Variants in ANKS1A observed in about 807,000 individuals in gnomAD.
ANKS1A encodes the protein ankyrin repeat and SAM domain-containing protein 1A.
ANKS1A carries 55 observed loss-of-function variants against 120.3 expected under a neutral mutation model. The observed-to-expected ratio is 0.46, with a 90% CI of 0.37 to 0.57. The LOEUF (loss-of-function observed/expected upper bound fraction) is 0.57, where lower values mean the gene tolerates loss of function less well. ANKS1A is among the 20% of genes least tolerant of loss of function. ANKS1A has a pLI of 0.00. For synonymous variants in ANKS1A, 590 were observed against 604.7 expected, an observed-to-expected ratio of 0.98 and a Z score of 0.36; for missense variants, 1,123 against 1,480.3, an observed-to-expected ratio of 0.76 and a Z score of 3.96.
intron 11 of ANKS1A, chr6:35,023,701 G>A (rs577253819): frequency 1.1e-3 from 380 of 357,298 alleles, no homozygotes; most frequent in South Asian, 7.6e-3. Flanking sequence ...AGAGAGATTC[G>A]ACCAATTAGC....
chr6:34,961,761 C>T (rs182219173), intron 1 of ANKS1A, among the ~76,000 whole-genome samples: 5 of 152,132 alleles, frequency 3.3e-5, no homozygotes, highest in East Asian at 1.9e-4. Context: ...CTGATAGGCC[C>T]GCACTCTCAG....
chr6:34,920,009 AG>A (rs1181831918), intron 1 of ANKS1A, among the ~76,000 whole-genome samples: 1 of 152,112 alleles, frequency 6.6e-6, no homozygotes, highest in African/African-American at 2.4e-5. Context: ...CCTTGAAAGT[AG>A]GTAAGGTCTG....
chr6:34,935,366 C>A lies in ANKS1A; in HGVS notation c.198-31873C>A, dbSNP rs142091389. 5.9e-4 allele frequency among the ~76,000 whole-genome samples: 90 copies of A among 152,344 alleles called. 1 individual carries two copies. The Middle Eastern group carries it at 0.017, about 29-fold the overall frequency. ...CCTCCCAAAGTGCTGGGATTACAGG[C>A]GTGAGCCACTTGGCCTGGCTGGTTT... On this transcript the variant is annotated intron_variant, in intron 1 of 23. Transcript: ENST00000360359.
rs75616383 is a variant in ANKS1A, at chr6:34,982,700, G to A, written c.733-52G>A. ...TGTGTCCCCTTTGTCACGTGAAGCC[G>A]CACCAAACTGTTCTGATGACATCCC... On this transcript the variant is annotated intron_variant, in intron 4 of 23. Coordinates refer to ENST00000360359, the MANE Select transcript of ANKS1A (RefSeq NM_015245.3). The surrounding 1 kb of genome is among the most constrained non-coding windows in gnomAD (Gnocchi z 4.9). The A allele has an allele frequency of 1.9e-3, 3,081 of 1,582,814 alleles. 56 individuals carry two copies. In the African/African-American group the frequency reaches 0.036, roughly 19 times the overall value.
chr6:34,940,685 C>A (rs1387892697), intron 1 of ANKS1A, among the ~76,000 whole-genome samples: 2 of 152,012 alleles, frequency 1.3e-5, no homozygotes, highest in Middle Eastern at 6.8e-3. Flanking sequence ...CCAAGGCAGG[C>A]GGATCACAAG....
Position 34,929,463 on chromosome 6 carries a change from T to C in ANKS1A, c.198-37776T>C, listed in dbSNP as rs1406877509. 3.3e-5 allele frequency among the ~76,000 whole-genome samples: 5 copies of C among 152,350 alleles called. No homozygotes were observed. In the South Asian group the frequency reaches 6.2e-4, roughly 19 times the overall value. ...ATGCTAGATGGGGAACTTGGCTTGC[T>C]TTCCATTCACCTGTGCCGTTCACGT... On this transcript the variant is annotated intron_variant, in intron 1 of 23. Transcript: ENST00000360359.
At chr6:35,087,187 C>T in intron 23 of ANKS1A, 138 bp downstream of exon 23, 1 of 850,744 alleles carries the variant, frequency 1.2e-6, no homozygotes, top group Non-Finnish European at 1.9e-6. Flanking sequence ...GCACTGGGAC[C>T]TGCTCCTCTT....
intron 11 of ANKS1A, among the ~76,000 whole-genome samples, chr6:35,024,691 C>A (rs1394686210): frequency 1.3e-5 from 2 of 152,318 alleles, no homozygotes; most frequent in East Asian, 3.9e-4. Context: ...GGAGGGCACC[C>A]TTTCAGGCCA....
intron 1 of ANKS1A, among the ~76,000 whole-genome samples, chr6:34,917,977 C>G (rs1271896743): frequency 6.6e-6 from 1 of 152,210 alleles, no homozygotes; most frequent in Non-Finnish European, 1.5e-5. Flanking sequence ...CAACCCCCCT[C>G]ACTTTTTCTG....
At chr6:34,956,909 C>T (rs1019343420) in intron 1 of ANKS1A, among the ~76,000 whole-genome samples, 2 of 152,160 alleles carry the variant, frequency 1.3e-5, no homozygotes, top group African/African-American at 4.8e-5. Flanking sequence ...GGTGGTCTAA[C>T]ACCTCTTTAT....
At chr6:34,895,469 G>A (rs565015260) in intron 1 of ANKS1A, among the ~76,000 whole-genome samples, 2 of 152,230 alleles carry the variant, frequency 1.3e-5, no homozygotes, top group South Asian at 4.1e-4. Context: ...ATAATGGCGT[G>A]ACAGCCTTTT....
intron 1 of ANKS1A, among the ~76,000 whole-genome samples, chr6:34,947,494 A>G (rs902872229): frequency 6.6e-6 from 1 of 152,118 alleles, no homozygotes; most frequent in African/African-American, 2.4e-5. Flanking sequence ...CTGAAATAGA[A>G]TATCTATTAG....
At chr6:35,077,739 G>A (rs904302440) in intron 13 of ANKS1A, among the ~76,000 whole-genome samples, 8 of 152,208 alleles carry the variant, frequency 5.3e-5, no homozygotes, top group African/African-American at 1.9e-4. Flanking sequence ...CACTAGATGT[G>A]TGATGTCAAG....
chr6:34,889,606 A>G lies in ANKS1A; in HGVS notation c.197+7A>G. The G allele has an allele frequency of 7.7e-7, 1 of 1,291,854 alleles. No individual in the cohort carries two copies. Among genetic ancestry groups the G allele is most frequent in the South Asian group, 3.3e-5 (1 of 30,514 alleles). 80.0% of individuals were successfully genotyped at this position (1,291,854 alleles called of 1,614,324 possible). On this transcript the variant is annotated splice_region_variant and intron_variant, in intron 1 of 23. Transcript: ENST00000360359. The surrounding 1 kb of genome is among the most constrained non-coding windows in gnomAD (Gnocchi z 5.5). The stretch of plus-strand genomic sequence containing the variant: ...CCCTCTCCAGTCTGCTCAGGTGGGT[A>G]CGCGCCAGGGCCGGGCCGCTGCCTG...
chr6:34,976,741 T>G (rs1490636399), intron 3 of ANKS1A, among the ~76,000 whole-genome samples: 1 of 150,294 alleles, frequency 6.7e-6, no homozygotes, highest in Non-Finnish European at 1.5e-5. Flanking sequence ...GTGTTAACAT[T>G]TTGCTACCTT....
At chr6:34,962,244 G>A (rs1770675632) in intron 1 of ANKS1A, among the ~76,000 whole-genome samples, 1 of 152,172 alleles carries the variant, frequency 6.6e-6, no homozygotes. Flanking sequence ...AGTGGAGGAT[G>A]GGGTATCACG....
At chr6:34,919,191 G>A (rs918282544) in intron 1 of ANKS1A, among the ~76,000 whole-genome samples, 1 of 152,210 alleles carries the variant, frequency 6.6e-6, no homozygotes, top group African/African-American at 2.4e-5. Flanking sequence ...AAAAGTTTTA[G>A]TTGTGGTTGG....
intron 11 of ANKS1A, among the ~76,000 whole-genome samples, chr6:35,036,516 G>A (rs966692500): frequency 6.6e-6 from 1 of 152,220 alleles, no homozygotes; most frequent in East Asian, 1.9e-4. Context: ...CATCTTTGGC[G>A]CAGACTGGGT....
At position 34,923,858 on chromosome 6, in the gene ANKS1A, C is replaced by T. The variant is rs1293725560; in HGVS notation, c.197+34259C>T. Among the ~76,000 whole-genome samples, 5 of 152,252 alleles carry T rather than the reference C, an allele frequency of 3.3e-5. No individual in the cohort carries two copies. The East Asian group carries it at 7.7e-4, about 23-fold the overall frequency. Reference sequence around the variant, plus strand: ...CAATATCTGGCTCATTGCTCAGGACCGCTCCCCATGGCCTCTCACTGCTGC... The same window carrying T: ...CAATATCTGGCTCATTGCTCAGGACTGCTCCCCATGGCCTCTCACTGCTGC... On this transcript the variant is annotated intron_variant, in intron 1 of 23. Transcript: ENST00000360359.
Sources: allele counts gnomAD v4.1 joint callset (sites outside exome capture counted in the v4.1 genomes callset), GRCh38; gene constraint gnomAD v4.1.1; non-coding constraint Gnocchi (gnomAD v3.1); transcripts MANE v1.5; gene names NCBI Gene and HGNC (gene_info 2026-07-23, HGNC 2026-07-21).